Variants in NECTIN3 observed in about 807,000 individuals in gnomAD.
NECTIN3 encodes the protein nectin cell adhesion molecule 3.
NECTIN3 carries 8 observed loss-of-function variants against 49.4 expected under a neutral mutation model. That is an observed-to-expected ratio of 0.16 (90% CI 0.10 to 0.29). The LOEUF is 0.29. NECTIN3 is among the 10% of genes least tolerant of loss of function. The pLI is 1.00. For synonymous variants in NECTIN3, 277 were observed against 241.1 expected, an observed-to-expected ratio of 1.15 and a Z score of -1.38; for missense variants, 581 against 654.6, an observed-to-expected ratio of 0.89 and a Z score of 1.23.
At chr3:111,078,472 G>A (rs183486351) in intron 1 of NECTIN3, among the ~76,000 whole-genome samples, 74 of 152,222 alleles carry the variant, frequency 4.9e-4, no homozygotes, top group Admixed American at 2.0e-3. Context: ...TTTGGGAATA[G>A]GAAAAGCTAA....
Position 111,135,325 on chromosome 3 carries a change from CTAAGTG to C in NECTIN3, c.*1113_*1118del. 1.1e-6 allele frequency: 1 copy of C among 947,608 alleles called. No homozygotes were observed. The highest frequency in any genetic ancestry group is 1.3e-6 in the Non-Finnish European group (1 of 795,946). The allele number at this position is 947,608 out of a possible 1,614,324, so 58.7% of individuals were successfully genotyped here. A position where few individuals can be genotyped will look rare whatever the true frequency, so the allele number is the denominator to read the frequency against. On this transcript the variant is annotated 3_prime_UTR_variant, in exon 6 of 6. Coordinates refer to ENST00000485303, the MANE Select transcript of NECTIN3 (RefSeq NM_015480.3). ...ATTGGCATTCATCTCCTTTTTCCTC[CTAAGTG>C]TATGTATGTGTTTTAAGATTTCTGT...
chr3:111,140,958 T>C (rs915718032), downstream of NECTIN3, among the ~76,000 whole-genome samples: 2 of 151,960 alleles, frequency 1.3e-5, no homozygotes, highest in Admixed American at 1.3e-4. Flanking sequence ...CTGGATGACA[T>C]ATATTTCATG....
intron 7 of NECTIN3, among the ~76,000 whole-genome samples, chr3:111,181,814 A>G (rs545248847): frequency 1.3e-5 from 2 of 151,948 alleles, no homozygotes; most frequent in Non-Finnish European, 2.9e-5. Flanking sequence ...TTTCAAAGAA[A>G]CAGATTTTGA....
intron 7 of NECTIN3, among the ~76,000 whole-genome samples, chr3:111,177,860 G>A (rs1326531469): frequency 1.3e-5 from 2 of 152,092 alleles, no homozygotes; most frequent in Non-Finnish European, 2.9e-5. Flanking sequence ...AGAGCATCTT[G>A]GAATTATATT....
In NECTIN3 at chr3:111,136,551, C is replaced by G. The variant is rs373350354; in HGVS notation, c.*2336C>G. 1.1e-6 allele frequency: 1 copy of G among 950,792 alleles called. No individual in the cohort carries two copies. The highest frequency in any genetic ancestry group is 4.9e-5 in the South Asian group (1 of 20,564). The allele number at this position is 950,792 out of a possible 1,614,324, so 58.9% of individuals were successfully genotyped here. On this transcript the variant is annotated 3_prime_UTR_variant, in exon 6 of 6. Transcript: ENST00000485303. ...TTTATTAGAACTTTATGTATATTTA[C>G]TGTACATAGAGACTTGTTTGAAAAC... is the stretch of plus-strand genomic sequence containing the variant.
chr3:111,111,385 A>G (rs1178171902), intron 1 of NECTIN3, among the ~76,000 whole-genome samples: 2 of 152,164 alleles, frequency 1.3e-5, no homozygotes, highest in Non-Finnish European at 2.9e-5. Flanking sequence ...GCATTTCTTC[A>G]TTAACATTTT....
intron 1 of NECTIN3, among the ~76,000 whole-genome samples, chr3:111,088,879 G>C (rs2032089136): frequency 6.6e-6 from 1 of 151,990 alleles, no homozygotes; most frequent in Non-Finnish European, 1.5e-5. Context: ...TTTTGGTCTT[G>C]TGTAAGAGTT....
chr3:111,112,662 A>G (rs2033521996), intron 2 of NECTIN3, among the ~76,000 whole-genome samples: 3 of 152,108 alleles, frequency 2.0e-5, no homozygotes, highest in Non-Finnish European at 4.4e-5. Context: ...TTTCTGTGAC[A>G]TCTTTATTTT....
intron 1 of NECTIN3, among the ~76,000 whole-genome samples, chr3:111,099,811 A>G (rs952243454): frequency 1.3e-5 from 2 of 152,164 alleles, no homozygotes; most frequent in Non-Finnish European, 2.9e-5. Context: ...CATTAGTGCC[A>G]CTACAGAATC....
intron 2 of NECTIN3, among the ~76,000 whole-genome samples, chr3:111,114,823 A>AAATAGAG (rs920584422): frequency 1.3e-5 from 2 of 152,148 alleles, no homozygotes; most frequent in Admixed American, 1.3e-4. Context: ...AACTAACTGC[A>AAATAGAG]AATAGAGAAT....
In NECTIN3 at chr3:111,120,461, G is replaced by A. The variant is rs147777892; in HGVS notation, c.799+1509G>A. ...TCAATATTTAGAGATATCCTCTTGG[G>A]ATACTTTTATGCCTAAACTCACAGG... On this transcript the variant is annotated intron_variant, in intron 3 of 5. Coordinates refer to ENST00000485303, the MANE Select transcript of NECTIN3 (RefSeq NM_015480.3). Among the ~76,000 whole-genome samples, 438 of 152,058 alleles carry A rather than the reference G, an allele frequency of 2.9e-3. 1 individual carries two copies. Among genetic ancestry groups the A allele is most frequent in the South Asian group, 8.7e-3 (42 of 4,816 alleles).
At chr3:111,186,996 A>G (rs1417409506) in intron 7 of NECTIN3, among the ~76,000 whole-genome samples, 1 of 152,232 alleles carries the variant, frequency 6.6e-6, no homozygotes, top group Non-Finnish European at 1.5e-5. Flanking sequence ...AAATACAGAT[A>G]TTTTGTTAAT....
chr3:111,185,019 G>A (rs1344817523), intron 7 of NECTIN3, among the ~76,000 whole-genome samples: 2 of 152,204 alleles, frequency 1.3e-5, no homozygotes, highest in African/African-American at 4.8e-5. Context: ...TCAAGTTCTG[G>A]TAATTGTTAA....
chr3:111,097,220 C>T (rs2032638912), intron 1 of NECTIN3, among the ~76,000 whole-genome samples: 1 of 152,114 alleles, frequency 6.6e-6, no homozygotes, highest in Non-Finnish European at 1.5e-5. Flanking sequence ...TTAAGTTTTG[C>T]CTGCCCCACT....
At chr3:111,120,352 C>G (rs1195015211) in intron 3 of NECTIN3, among the ~76,000 whole-genome samples, 1 of 151,890 alleles carries the variant, frequency 6.6e-6, no homozygotes, top group Non-Finnish European at 1.5e-5. Context: ...TTAGAATAGT[C>G]ATGACATTTT....
chr3:111,103,167 G>A (rs1369838325), intron 1 of NECTIN3, among the ~76,000 whole-genome samples: 2 of 152,098 alleles, frequency 1.3e-5, no homozygotes, highest in African/African-American at 4.8e-5. Context: ...GAATCAGTTT[G>A]TTGCTAGCCA....
intron 5 of NECTIN3, among the ~76,000 whole-genome samples, chr3:111,132,013 A>G (rs1235300073): frequency 6.6e-6 from 1 of 151,876 alleles, no homozygotes; most frequent in African/African-American, 2.4e-5. Flanking sequence ...TCCTCAGAAA[A>G]TACATGAATC....
At chr3:111,117,687 G>C (rs1174974659) in intron 2 of NECTIN3, among the ~76,000 whole-genome samples, 3 of 151,578 alleles carry the variant, frequency 2.0e-5, no homozygotes, top group Non-Finnish European at 4.4e-5. Context: ...GAACCAACTT[G>C]AAGTCCTGGA....
Position 111,135,029 on chromosome 3 carries a change from T to C in NECTIN3, c.*814T>C. 1.0e-6 allele frequency: 1 copy of C among 981,066 alleles called. No homozygotes were observed. The highest frequency in any genetic ancestry group is 1.2e-6 in the Non-Finnish European group (1 of 826,080). The allele number at this position is 981,066 out of a possible 1,614,324, so 60.8% of individuals were successfully genotyped here. A position where few individuals can be genotyped will look rare whatever the true frequency, so the allele number is the denominator to read the frequency against. On this transcript the variant is annotated 3_prime_UTR_variant, in exon 6 of 6. Coordinates refer to ENST00000485303, the MANE Select transcript of NECTIN3 (RefSeq NM_015480.3). ...TTTTGGTACATTAGCAGTAGCCTTA[T>C]TTTAATGCTTTATGTCCTAAACATA...
Sources: allele counts gnomAD v4.1 joint callset (sites outside exome capture counted in the v4.1 genomes callset), GRCh38; gene constraint gnomAD v4.1.1; transcripts MANE v1.5; gene names NCBI Gene and HGNC (gene_info 2026-07-23, HGNC 2026-07-21).